Variants in SLC6A16 observed in about 807,000 individuals in gnomAD.
The protein encoded by SLC6A16 is orphan sodium- and chloride-dependent neurotransmitter transporter NTT5.
In SLC6A16, 54 loss-of-function variants were observed where a neutral mutation model predicts 65.4. That is an observed-to-expected ratio of 0.83 (90% CI 0.66 to 1.04). The LOEUF is 1.04. SLC6A16 is among the 50% of genes least tolerant of loss of function. The probability of loss-of-function intolerance (pLI) is 0.00; values close to 1 mark genes in which losing one functional copy is unlikely to be tolerated. For synonymous variants in SLC6A16, 330 were observed against 346.5 expected (o/e 0.95, Z 0.53); for missense variants, 816 against 914.0 (o/e 0.89, Z 1.38).
At chr19:49,335,696 C>T in the SLC6A16 span, 21 of 1,613,576 alleles carry the variant, frequency 1.3e-5, no homozygotes, top group African/African-American at 1.1e-4. This position sits in a 1 kb window ranked among gnomAD's most constrained non-coding sequence, Gnocchi z 4.6. Flanking sequence ...CCCCCGTATC[C>T]GCATCTCCTC....
At chr19:49,310,790 G>T in intron 2 of SLC6A16, 143 bp downstream of exon 2, 1 of 757,726 alleles carries the variant, frequency 1.3e-6, no homozygotes, top group Non-Finnish European at 2.2e-6. Context: ...GATCCTAAGT[G>T]TCCAGGGACC....
intron 1 of SLC6A16, among the ~76,000 whole-genome samples, chr19:49,313,409 C>T (rs1270105498): frequency 6.6e-6 from 1 of 152,064 alleles, no homozygotes; most frequent in East Asian, 1.9e-4. Flanking sequence ...AAGTGAGTCT[C>T]CGGTCTCAGC....
intron 9 of SLC6A16, 30 bp downstream of exon 9, chr19:49,293,797 T>C (rs1970127635): frequency 1.3e-6 from 2 of 1,591,852 alleles, no homozygotes; most frequent in South Asian, 1.1e-5. Flanking sequence ...GTCAGGGTCA[T>C]TGTTAGGAGT....
Position 49,294,649 on chromosome 19 carries a change from C to T in SLC6A16, c.1230-96G>A. ...TCAAGATAAAAAAGGCTATCACTGGCTTAGCATTACTGATCTGGGTAAGAT... is the reference window on the plus strand; with the variant it reads ...TCAAGATAAAAAAGGCTATCACTGGTTTAGCATTACTGATCTGGGTAAGAT... On this transcript the variant is annotated intron_variant, in intron 7 of 11. Coordinates refer to ENST00000335875, the MANE Select transcript of SLC6A16 (RefSeq NM_014037.3). 15 of 1,117,466 alleles carry T rather than the reference C, an allele frequency of 1.3e-5. No homozygotes were observed. The South Asian group carries it at 2.2e-4, about 16-fold the overall frequency. The allele number at this position is 1,117,466 out of a possible 1,614,324, so 69.2% of individuals were successfully genotyped here. A position where few individuals can be genotyped will look rare whatever the true frequency, so the allele number is the denominator to read the frequency against.
At position 49,290,197 on chromosome 19, in the gene SLC6A16, T is replaced by G; in HGVS notation, c.2137A>C (p.Lys713Gln). 1.9e-6 allele frequency: 3 copies of G among 1,614,178 alleles called. No homozygotes were observed. The highest frequency in any genetic ancestry group is 2.5e-6 in the Non-Finnish European group (3 of 1,180,020). Reference sequence around the variant, plus strand: ...AGAATTTCTTCCTTTTGAACCTCTTTACTGGGTGTTAGCTGGTGACTTAGG... The same window carrying G: ...AGAATTTCTTCCTTTTGAACCTCTTGACTGGGTGTTAGCTGGTGACTTAGG... ...LPLSHQLTPS[K>Q]EVQKEEILQV... Residue 713 changes from lysine to glutamine, a missense_variant, in exon 12 of 12, where the codon AAA becomes CAA. Lys to Gln is a moderately conservative substitution (Grantham distance 53). Transcript: ENST00000335875.
At chr19:49,338,788 G>A in the SLC6A16 span, 1 of 1,613,980 alleles carries the variant, frequency 6.2e-7, no homozygotes, top group Non-Finnish European at 8.5e-7. The surrounding 1 kb of genome is among the most constrained non-coding windows in gnomAD (Gnocchi z 5.0). Context: ...CGCGTGCCCT[G>A]CTCCTGCTAC....
chr19:49,340,159 C>T, the SLC6A16 span: 1 of 1,509,794 alleles, frequency 6.6e-7, no homozygotes, highest in South Asian at 1.1e-5. Context: ...CAATTCACGG[C>T]CCCACCCCTG....
chr19:49,318,580 T>G (rs1439911990), intron 1 of SLC6A16, among the ~76,000 whole-genome samples: 3 of 152,136 alleles, frequency 2.0e-5, no homozygotes, highest in African/African-American at 7.2e-5. Flanking sequence ...ACAGAAATGA[T>G]AGACTAATGG....
At chr19:49,293,521 T>C (rs1390716777) in intron 9 of SLC6A16, 139 bp from the exon 10 acceptor site, 2 of 786,262 alleles carry the variant, frequency 2.5e-6, no homozygotes, top group African/African-American at 1.7e-5. Context: ...TCCAAGCATT[T>C]TGGGGAGCCT....
At chr19:49,296,029 G>A (rs144554602) in intron 7 of SLC6A16, among the ~76,000 whole-genome samples, 242 of 152,024 alleles carry the variant, frequency 1.6e-3, no homozygotes, top group African/African-American at 5.5e-3. Context: ...TCGCTCTGTC[G>A]CCCAGGCTGG....
At chr19:49,296,397 T>C (rs1448532443) in intron 7 of SLC6A16, among the ~76,000 whole-genome samples, 1 of 152,184 alleles carries the variant, frequency 6.6e-6, no homozygotes, top group African/African-American at 2.4e-5. Context: ...ATTTTAAGGT[T>C]TACTGTAATA....
the SLC6A16 span, chr19:49,339,632 G>A: frequency 1.4e-6 from 2 of 1,431,876 alleles, no homozygotes; most frequent in Non-Finnish European, 1.8e-6. This position sits in a 1 kb window ranked among gnomAD's most constrained non-coding sequence, Gnocchi z 4.5. Flanking sequence ...GCTATTGGCT[G>A]CGATCTCCCT....
the SLC6A16 span, chr19:49,340,153 T>G: frequency 6.0e-6 from 9 of 1,510,144 alleles, no homozygotes; most frequent in Non-Finnish European, 8.2e-6. Flanking sequence ...CCCGCCCAAT[T>G]CACGGCCCCA....
chr19:49,321,939 G>A (rs1303985824), intron 1 of SLC6A16, among the ~76,000 whole-genome samples: 7 of 151,186 alleles, frequency 4.6e-5, no homozygotes, highest in Admixed American at 4.0e-4. Context: ...AAAAAAAAAG[G>A]AAAATATCCC....
At chr19:49,297,995 G>A (rs1478944506) in intron 7 of SLC6A16, among the ~76,000 whole-genome samples, 1 of 152,082 alleles carries the variant, frequency 6.6e-6, no homozygotes, top group Admixed American at 6.6e-5. Flanking sequence ...ATAGTAAAAA[G>A]GTCTAACAAA....
At chr19:49,336,745 GAA>G in the SLC6A16 span, 2 of 650,934 alleles carry the variant, frequency 3.1e-6, no homozygotes, top group East Asian at 5.6e-5. Flanking sequence ...AGAAAGAAGA[GAA>G]AGTTTCAGAA....
Position 49,294,551 on chromosome 19 carries a change from T to C in SLC6A16, c.1232A>G (p.Asn411Ser). Residue 411 changes from asparagine (N) to serine (S), a missense_variant and splice_region_variant, in exon 8 of 12, where the codon AAT (asparagine) becomes AGT (serine). Coordinates refer to ENST00000335875, the MANE Select transcript of SLC6A16 (RefSeq NM_014037.3). ...TATCAGCTTTAAAAGTATTTCAGCA[T>C]TCCTGGGGATAGAGGGTTGAATCAA... is the stretch of plus-strand genomic sequence containing the variant. ...TVITHRCCER[N>S]AEILLKLINL... 5 of 1,601,958 alleles carry C rather than the reference T, an allele frequency of 3.1e-6. No individual in the cohort carries two copies. Among genetic ancestry groups the C allele is most frequent in the South Asian group, 1.1e-5 (1 of 89,044 alleles).
intron 1 of SLC6A16, among the ~76,000 whole-genome samples, chr19:49,319,987 T>G (rs353983): frequency 0.78 from 118,931 of 151,988 alleles, 47,248 homozygotes; most frequent in African/African-American, 0.92. Context: ...GATCAAAGAA[T>G]AAACTACAAG....
chr19:49,336,911 T>A, the SLC6A16 span: 1 of 1,614,092 alleles, frequency 6.2e-7, no homozygotes, highest in Non-Finnish European at 8.5e-7. Context: ...TCTCCCAGGC[T>A]TGGCCTTCGT....
Sources: gnomAD v4.1 joint callset for allele counts (sites outside exome capture counted in the v4.1 genomes callset) on GRCh38, gnomAD v4.1.1 for gene constraint, Gnocchi (gnomAD v3.1) non-coding constraint, MANE v1.5 for transcripts, NCBI Gene and HGNC (gene_info 2026-07-23, HGNC 2026-07-21) for gene names.